The following GLIS3 variants were observed in gnomAD, a reference collection of about 807,000 sequenced individuals.
The protein encoded by GLIS3 is GLIS family zinc finger 3.
GLIS3 carries 53 observed loss-of-function variants against 78.6 expected under a neutral mutation model. That is an observed-to-expected ratio of 0.67 (90% CI 0.54 to 0.85). The LOEUF (loss-of-function observed/expected upper bound fraction) is 0.85. Among genes scored for constraint, GLIS3 ranks in the 40% least tolerant of loss-of-function variants. GLIS3 has a pLI of 0.00. For missense variants in GLIS3, 1,703 were observed against 1,231.1 expected (o/e 1.38, Z -5.74); for synonymous variants, 684 against 509.9 (o/e 1.34, Z -4.60).
intron 2 of GLIS3, among the ~76,000 whole-genome samples, chr9:4,222,170 A>G (rs538497498): frequency 1.3e-5 from 2 of 152,244 alleles, no homozygotes; most frequent in African/African-American, 2.4e-5. Context: ...GTGTTCCATC[A>G]CTTTGTAAGC....
intron 2 of GLIS3, among the ~76,000 whole-genome samples, chr9:4,273,834 C>T: frequency 6.6e-6 from 1 of 152,102 alleles, no homozygotes; most frequent in East Asian, 1.9e-4. Flanking sequence ...AGCTTCTTGA[C>T]TCCAAATTTC....
the GLIS3 span, among the ~76,000 whole-genome samples, chr9:4,483,268 C>T: frequency 2.6e-5 from 4 of 152,312 alleles, no homozygotes; most frequent in African/African-American, 7.2e-5. Flanking sequence ...TCAACCACTG[C>T]CGCGTGAAAT....
At chr9:3,859,226 C>G (rs528001763) in intron 8 of GLIS3, among the ~76,000 whole-genome samples, 1 of 152,216 alleles carries the variant, frequency 6.6e-6, no homozygotes, top group East Asian at 1.9e-4. Flanking sequence ...AAACAGAAAA[C>G]ACACATACTT....
intron 2 of GLIS3, among the ~76,000 whole-genome samples, chr9:4,152,728 T>A (rs982424943): frequency 6.6e-6 from 1 of 152,144 alleles, no homozygotes; most frequent in Non-Finnish European, 1.5e-5. Flanking sequence ...CAAGACGCAA[T>A]GTAAATTTTA....
At chr9:4,057,421 G>A (rs1248348079) in intron 4 of GLIS3, among the ~76,000 whole-genome samples, 4 of 152,060 alleles carry the variant, frequency 2.6e-5, no homozygotes, top group African/African-American at 9.7e-5. Flanking sequence ...TTATGCTAAA[G>A]AGCTTGATAG....
chr9:3,832,170 A>G (rs569930100), intron 9 of GLIS3, among the ~76,000 whole-genome samples: 1 of 150,668 alleles, frequency 6.6e-6, no homozygotes, highest in South Asian at 2.1e-4. Flanking sequence ...ATGAGTTAAT[A>G]CTTACATATT....
intron 8 of GLIS3, among the ~76,000 whole-genome samples, chr9:3,870,122 G>A (rs552403865): frequency 5.6e-4 from 86 of 152,282 alleles, no homozygotes; most frequent in Non-Finnish European, 7.8e-4. Context: ...GTTGAAAATC[G>A]TTGCTGTCTT....
chr9:4,480,825 C>T, the GLIS3 span, among the ~76,000 whole-genome samples: 2 of 147,696 alleles, frequency 1.4e-5, no homozygotes, highest in Non-Finnish European at 3.0e-5. Context: ...TAAATTACTA[C>T]ACCTTCATTG....
the GLIS3 span, among the ~76,000 whole-genome samples, chr9:4,412,011 C>T: frequency 1.3e-5 from 2 of 152,192 alleles, no homozygotes; most frequent in Non-Finnish European, 2.9e-5. Flanking sequence ...ACAATCTTAA[C>T]ATGGATATCA....
At chr9:4,460,586 G>T in the GLIS3 span, among the ~76,000 whole-genome samples, 3 of 136,166 alleles carry the variant, frequency 2.2e-5, no homozygotes, top group Non-Finnish European at 3.0e-5. Context: ...AATATGAGGA[G>T]CTCTTAGAAA....
the GLIS3 span, among the ~76,000 whole-genome samples, chr9:4,412,526 T>C: frequency 6.6e-6 from 1 of 152,192 alleles, no homozygotes; most frequent in South Asian, 2.1e-4. Flanking sequence ...TGTATTCCCC[T>C]GCTAGACTTA....
intron 4 of GLIS3, among the ~76,000 whole-genome samples, chr9:4,100,387 T>A (rs1471372049): frequency 6.6e-6 from 1 of 152,068 alleles, no homozygotes; most frequent in Non-Finnish European, 1.5e-5. Context: ...ATGTTTTAAA[T>A]GGGGGAGTAC....
chr9:3,841,914 ATCAG>A (rs1818742802), intron 9 of GLIS3, among the ~76,000 whole-genome samples: 2 of 152,206 alleles, frequency 1.3e-5, no homozygotes, highest in Non-Finnish European at 2.9e-5. Context: ...CCATGGTTCT[ATCAG>A]TCATTTTCCC....
the GLIS3 span, among the ~76,000 whole-genome samples, chr9:4,394,017 G>A: frequency 1.3e-5 from 2 of 151,834 alleles, no homozygotes; most frequent in Admixed American, 1.3e-4. Flanking sequence ...GCCAGTAGAG[G>A]GTAGAATTTG....
chr9:3,860,074 G>C (rs1820084555), intron 8 of GLIS3, among the ~76,000 whole-genome samples: 1 of 151,982 alleles, frequency 6.6e-6, no homozygotes, highest in Non-Finnish European at 1.5e-5. Flanking sequence ...AGGAGATTGA[G>C]ACCATCCTGG....
At chr9:4,374,611 G>A in the GLIS3 span, among the ~76,000 whole-genome samples, 158 of 152,300 alleles carry the variant, frequency 1.0e-3, no homozygotes, top group African/African-American at 3.7e-3. Context: ...TCCTCTGTGT[G>A]GTTCCGACAA....
chr9:4,220,765 TAA>T (rs915064459), intron 2 of GLIS3, among the ~76,000 whole-genome samples: 11 of 150,424 alleles, frequency 7.3e-5, no homozygotes, highest in African/African-American at 2.7e-4. Flanking sequence ...AAATAAAAAA[TAA>T]AAGACTGAGG....
At chr9:3,912,234 A>T (rs906278560) in intron 6 of GLIS3, among the ~76,000 whole-genome samples, 2 of 152,170 alleles carry the variant, frequency 1.3e-5, no homozygotes, top group Non-Finnish European at 2.9e-5. Context: ...GTACGTTAAG[A>T]GTGAGACCTT....
At chr9:3,981,232 T>G (rs1213567817) in intron 4 of GLIS3, among the ~76,000 whole-genome samples, 1 of 152,128 alleles carries the variant, frequency 6.6e-6, no homozygotes, top group African/African-American at 2.4e-5. Context: ...GACAGGACTT[T>G]AGGTCTTTTC....
Sources: gnomAD v4.1 joint callset for allele counts (sites outside exome capture counted in the v4.1 genomes callset) on GRCh38, gnomAD v4.1.1 for gene constraint, MANE v1.5 for transcripts, NCBI Gene and HGNC (gene_info 2026-07-23, HGNC 2026-07-21) for gene names.